The following RABGAP1L variants were observed in gnomAD, a reference collection of about 807,000 sequenced individuals.
The protein encoded by RABGAP1L is RAB GTPase activating protein 1 like.
A neutral mutation model predicts 137.7 loss-of-function variants in RABGAP1L; 63 were observed. That is an observed-to-expected ratio of 0.46 (90% CI 0.37 to 0.56). The LOEUF is 0.56. Ranked by LOEUF, RABGAP1L falls within the 20% of genes least tolerant of loss-of-function variation. RABGAP1L has a pLI of 0.00. For missense variants in RABGAP1L, 1,095 were observed against 1,244.0 expected (o/e 0.88, Z 1.80); for synonymous variants, 431 against 433.7 (o/e 0.99, Z 0.08).
chr1:174,808,659 T>C (rs1689572475), intron 18 of RABGAP1L, among the ~76,000 whole-genome samples: 1 of 133,416 alleles, frequency 7.5e-6, no homozygotes, highest in South Asian at 2.3e-4. Flanking sequence ...TCTTTCTTTC[T>C]TTTTTTTTTT....
intron 21 of RABGAP1L, among the ~76,000 whole-genome samples, chr1:174,972,853 CAAAAAAAAA>C (rs373159573): frequency 5.7e-5 from 3 of 52,826 alleles, no homozygotes; most frequent in South Asian, 1.7e-3. Context: ...GACTCTGTCT[CAAAAAAAAA>C]AAAAAAAAAA....
chr1:174,280,310 C>T (rs1675408172), intron 10 of RABGAP1L, among the ~76,000 whole-genome samples: 1 of 152,108 alleles, frequency 6.6e-6, no homozygotes, highest in Non-Finnish European at 1.5e-5. Context: ...TTACCTAATG[C>T]AATTCAAAGT....
At chr1:174,728,183 A>T (rs551644189) in intron 17 of RABGAP1L, among the ~76,000 whole-genome samples, 3 of 152,350 alleles carry the variant, frequency 2.0e-5, no homozygotes, top group South Asian at 4.1e-4. Flanking sequence ...TTCTATTTGT[A>T]ACTTGTTGCC....
chr1:174,605,881 G>T (rs990614715), intron 13 of RABGAP1L, among the ~76,000 whole-genome samples: 79 of 152,182 alleles, frequency 5.2e-4, no homozygotes, highest in Middle Eastern at 3.4e-3. Flanking sequence ...TGATTTATTT[G>T]GGGGCATTGT....
chr1:174,893,019 T>A, intron 19 of RABGAP1L: 1 of 250,508 alleles, frequency 4.0e-6, no homozygotes, highest in Non-Finnish European at 8.2e-6. Flanking sequence ...GTGCTGGGGT[T>A]ACAGGCATGA....
In RABGAP1L at chr1:174,268,222, C is replaced by T. The variant is rs541112760; in HGVS notation, c.987-4192C>T. 1.6e-4 allele frequency among the ~76,000 whole-genome samples: 23 copies of T among 145,144 alleles called. No individual in the cohort carries two copies. The South Asian group carries it at 1.9e-3, about 12-fold the overall frequency. On this transcript the variant is annotated intron_variant, in intron 7 of 25. Transcript: ENST00000681986. ...TTTTCATTTTTTTTTTTTTTTGAGA[C>T]GGAGTCTTGCTCTGTTGCCCAGGCT...
chr1:174,982,933 A>C (rs1671259636), intron 24 of RABGAP1L, 28 bp downstream of exon 24: 1 of 1,548,380 alleles, frequency 6.5e-7, no homozygotes. Flanking sequence ...GCTGTGATAA[A>C]ATTTATTTCA....
chr1:174,635,584 C>T (rs1217003309), intron 13 of RABGAP1L, among the ~76,000 whole-genome samples: 1 of 152,134 alleles, frequency 6.6e-6, no homozygotes, highest in Non-Finnish European at 1.5e-5. Flanking sequence ...CTACATTTAC[C>T]TTGGCAAATA....
At chr1:174,763,567 C>T (rs1339857720) in intron 18 of RABGAP1L, among the ~76,000 whole-genome samples, 20 of 136,300 alleles carry the variant, frequency 1.5e-4, no homozygotes, top group South Asian at 2.4e-4. Flanking sequence ...AGGAGAATGG[C>T]GTGAACCTGG....
At chr1:174,831,758 A>T (rs1430251110) in intron 19 of RABGAP1L, among the ~76,000 whole-genome samples, 1 of 148,140 alleles carries the variant, frequency 6.8e-6, no homozygotes, top group African/African-American at 2.5e-5. Context: ...TCTAGATAAA[A>T]CGCTACAACT....
Position 174,322,011 on chromosome 1 carries a change from C to T in RABGAP1L, c.1465+16884C>T, listed in dbSNP as rs576935136. Among the ~76,000 whole-genome samples, 28 of 152,052 alleles carry T rather than the reference C, an allele frequency of 1.8e-4. No individual in the cohort carries two copies. The South Asian group carries it at 5.6e-3, about 30-fold the overall frequency. ...CAATTTTTTTATCAGATGTGTTTTGCACATATTTCTTTCATTCTGTAATTT... is the reference window on the plus strand; with the variant it reads ...CAATTTTTTTATCAGATGTGTTTTGTACATATTTCTTTCATTCTGTAATTT... On this transcript the variant is annotated intron_variant, in intron 11 of 25. Coordinates refer to ENST00000681986, the MANE Select transcript of RABGAP1L (RefSeq NM_001366446.1).
intron 14 of RABGAP1L, among the ~76,000 whole-genome samples, chr1:174,673,020 T>A (rs1190724459): frequency 6.6e-6 from 1 of 152,170 alleles, no homozygotes; most frequent in African/African-American, 2.4e-5. Context: ...CTTTCCTTTT[T>A]TCTTTCTGTA....
chr1:174,319,387 A>G (rs1427353029), intron 11 of RABGAP1L, among the ~76,000 whole-genome samples: 1 of 152,170 alleles, frequency 6.6e-6, no homozygotes, highest in African/African-American at 2.4e-5. Flanking sequence ...GACTTTGTAT[A>G]CAGGTAACCT....
intron 14 of RABGAP1L, among the ~76,000 whole-genome samples, chr1:174,672,382 G>A (rs1677252561): frequency 1.3e-5 from 2 of 150,218 alleles, no homozygotes; most frequent in African/African-American, 4.9e-5. Context: ...CCGGGTTCAA[G>A]CGATTCTCCT....
chr1:174,559,325 T>C (rs1667067979), intron 13 of RABGAP1L, among the ~76,000 whole-genome samples: 1 of 152,178 alleles, frequency 6.6e-6, no homozygotes, highest in Non-Finnish European at 1.5e-5. Flanking sequence ...CACATAAAAA[T>C]ATGTATATAC....
At chr1:174,824,962 G>A (rs1691424808) in intron 19 of RABGAP1L, among the ~76,000 whole-genome samples, 1 of 152,208 alleles carries the variant, frequency 6.6e-6, no homozygotes, top group African/African-American at 2.4e-5. Flanking sequence ...CTACTGAGGA[G>A]AAAATTATAT....
chr1:174,598,107 G>A (rs1670110913), intron 13 of RABGAP1L, among the ~76,000 whole-genome samples: 1 of 152,080 alleles, frequency 6.6e-6, no homozygotes, highest in South Asian at 2.1e-4. Context: ...GATGGGGGCA[G>A]ATCACGAGGT....
chr1:174,231,441 T>G, intron 4 of RABGAP1L, 86 bp downstream of exon 4: 1 of 1,255,184 alleles, frequency 8.0e-7, no homozygotes, highest in Non-Finnish European at 1.2e-6. Context: ...GGTGTAGAAC[T>G]TACTGTGAAC....
intron 21 of RABGAP1L, among the ~76,000 whole-genome samples, chr1:174,974,529 G>A (rs912706896): frequency 6.6e-6 from 1 of 152,142 alleles, no homozygotes; most frequent in Admixed American, 6.5e-5. Flanking sequence ...TTGACTTGCA[G>A]TGTTCATATT....
Sources: gnomAD v4.1 joint callset for allele counts (sites outside exome capture counted in the v4.1 genomes callset) on GRCh38, gnomAD v4.1.1 for gene constraint, MANE v1.5 for transcripts, NCBI Gene and HGNC (gene_info 2026-07-23, HGNC 2026-07-21) for gene names.